Variants in ADCY2 observed in about 807,000 individuals in gnomAD.
The protein encoded by ADCY2 is adenylate cyclase 2, also known as adenylate cyclase type 2.
In ADCY2, 31 loss-of-function variants were observed where a neutral mutation model predicts 125.2. That is an observed-to-expected ratio of 0.25 (90% CI 0.19 to 0.33). ADCY2 has a LOEUF of 0.33. Ranked by LOEUF, ADCY2 falls within the 10% of genes least tolerant of loss-of-function variation. ADCY2 has a pLI of 1.00. For synonymous variants in ADCY2, 512 were observed against 548.4 expected (o/e 0.93, Z 0.93); for missense variants, 904 against 1,418.2 (o/e 0.64, Z 5.82).
intron 3 of ADCY2, among the ~76,000 whole-genome samples, chr5:7,542,410 C>T (rs1735024789): frequency 6.6e-6 from 1 of 151,926 alleles, no homozygotes. Flanking sequence ...TGCCAGTGTC[C>T]CTGATTCAAT....
chr5:7,535,302 C>T (rs971052439), intron 3 of ADCY2, among the ~76,000 whole-genome samples: 9 of 152,120 alleles, frequency 5.9e-5, no homozygotes, highest in African/African-American at 1.2e-4. Context: ...CTTGGCCTCC[C>T]GAAGTGACCA....
chr5:7,514,163 C>T (rs1460626084), intron 2 of ADCY2, among the ~76,000 whole-genome samples: 3 of 152,104 alleles, frequency 2.0e-5, no homozygotes, highest in Admixed American at 2.0e-4. Context: ...ATATTTTGGC[C>T]TGTCATTGCA....
chr5:7,519,109 C>T (rs1316444783), intron 2 of ADCY2, among the ~76,000 whole-genome samples: 1 of 152,234 alleles, frequency 6.6e-6, no homozygotes, highest in Admixed American at 6.5e-5. Context: ...TGAATCTTTC[C>T]TGTGCTCTTT....
At position 7,784,422 on chromosome 5, in the gene ADCY2, C is replaced by T. The variant is rs779656312; in HGVS notation, c.2442C>T (p.Phe814=). The change falls in exon 19 of 25, where the codon TTC becomes TTT. Residue 814 remains phenylalanine (F), a synonymous_variant. Transcript: ENST00000338316. Reference sequence around the variant, plus strand: ...GCTCTGTGTCTCTCTCTATATTCTTCATCACACTGCTTGTTCTGGGTAGAC... The same window carrying T: ...GCTCTGTGTCTCTCTCTATATTCTTTATCACACTGCTTGTTCTGGGTAGAC... ...TMGSVSLSIF[F]ITLLVLGRQN... 15 of 1,613,738 alleles carry T rather than the reference C, an allele frequency of 9.3e-6. No homozygotes were observed.
At chr5:7,463,559 T>G (rs1325190143) in intron 2 of ADCY2, among the ~76,000 whole-genome samples, 3 of 150,578 alleles carry the variant, frequency 2.0e-5, no homozygotes. Flanking sequence ...CTTGAAGCTG[T>G]ACTGTTGTTT....
At chr5:7,504,314 A>G (rs1743716282) in intron 2 of ADCY2, among the ~76,000 whole-genome samples, 1 of 152,214 alleles carries the variant, frequency 6.6e-6, no homozygotes, top group African/African-American at 2.4e-5. Context: ...CCAAATATCA[A>G]ATGTTACAGA....
chr5:7,586,639 C>T (rs1736636860), intron 3 of ADCY2, among the ~76,000 whole-genome samples: 1 of 152,162 alleles, frequency 6.6e-6, no homozygotes, highest in Admixed American at 6.6e-5. Flanking sequence ...CGGGGGATGT[C>T]TTCAGGCAGC....
At chr5:7,498,565 A>G (rs1477572252) in intron 2 of ADCY2, among the ~76,000 whole-genome samples, 2 of 152,158 alleles carry the variant, frequency 1.3e-5, no homozygotes, top group African/African-American at 2.4e-5. Flanking sequence ...ACTCTTATAC[A>G]ATGCTTTTGA....
At chr5:7,520,668 C>T in intron 2 of ADCY2, 70 bp from the exon 3 acceptor site, 2 of 1,555,630 alleles carry the variant, frequency 1.3e-6, no homozygotes, top group Non-Finnish European at 1.8e-6. Flanking sequence ...CCTTTAGTGG[C>T]ATGGAAACAG....
intron 3 of ADCY2, among the ~76,000 whole-genome samples, chr5:7,589,518 A>AAGAAAAGAAAG: frequency 1.0e-5 from 1 of 98,462 alleles, no homozygotes; most frequent in East Asian, 2.9e-4. Flanking sequence ...AAGAAAAGAA[A>AAGAAAAGAAAG]AGAAAGAGAA....
chr5:7,613,375 G>A (rs1302226254), intron 3 of ADCY2, among the ~76,000 whole-genome samples: 1 of 152,164 alleles, frequency 6.6e-6, no homozygotes. Context: ...ATGAAAGGAA[G>A]ATATTCTGAC....
At chr5:7,573,072 C>T (rs1030047848) in intron 3 of ADCY2, among the ~76,000 whole-genome samples, 95 of 152,198 alleles carry the variant, frequency 6.2e-4, no homozygotes, top group Middle Eastern at 6.8e-3. Context: ...CAGAAGAAGA[C>T]GGCCATCTAC....
At chr5:7,499,648 G>GATATATATATATATATATAT (rs70940741) in intron 2 of ADCY2, among the ~76,000 whole-genome samples, 48 of 118,354 alleles carry the variant, frequency 4.1e-4, no homozygotes, top group Non-Finnish European at 6.5e-4. Context: ...TATGTGGGTG[G>GATATATATATATATATATAT]ATATATATAT....
In ADCY2 at chr5:7,414,429, C is replaced by A. The variant is rs567116670; in HGVS notation, c.211-144C>A. 11 of 614,830 alleles carry A rather than the reference C, an allele frequency of 1.8e-5. No homozygotes were observed. In the African/African-American group the frequency reaches 2.1e-4, roughly 12 times the overall value. 38.1% of individuals were successfully genotyped at this position (614,830 alleles called of 1,614,324 possible). ...TTATGAAACTTGAATTTTAAATGTT[C>A]AAACTGTTCTACTTTCAAAACAATT... On this transcript the variant is annotated intron_variant, in intron 1 of 24. Coordinates refer to ENST00000338316, the MANE Select transcript of ADCY2 (RefSeq NM_020546.3).
intron 4 of ADCY2, among the ~76,000 whole-genome samples, chr5:7,640,237 G>C (rs937071431): frequency 6.6e-6 from 1 of 152,158 alleles, no homozygotes; most frequent in African/African-American, 2.4e-5. Context: ...AAAATGTTTA[G>C]AGGAATATTT....
chr5:7,667,335 G>A (rs758267261), intron 4 of ADCY2, among the ~76,000 whole-genome samples: 10 of 152,038 alleles, frequency 6.6e-5, no homozygotes, highest in South Asian at 4.2e-4. Flanking sequence ...CAAAGGTCGC[G>A]TGTTCCACTC....
chr5:7,599,593 G>C (rs1263328465), intron 3 of ADCY2, among the ~76,000 whole-genome samples: 2 of 152,172 alleles, frequency 1.3e-5, no homozygotes, highest in African/African-American at 4.8e-5. Context: ...TGGAAGGAAG[G>C]GGGTCTGGGC....
intron 3 of ADCY2, among the ~76,000 whole-genome samples, chr5:7,534,546 A>G (rs1178405414): frequency 6.6e-6 from 1 of 152,230 alleles, no homozygotes; most frequent in African/African-American, 2.4e-5. Flanking sequence ...GCAGAGTTTT[A>G]TCATAATTTA....
At chr5:7,573,702 G>C (rs1283849374) in intron 3 of ADCY2, among the ~76,000 whole-genome samples, 1 of 149,294 alleles carries the variant, frequency 6.7e-6, no homozygotes, top group Non-Finnish European at 1.5e-5. Flanking sequence ...CGGGTAGCAA[G>C]AGTTAGATTG....
Sources: allele counts gnomAD v4.1 joint callset (sites outside exome capture counted in the v4.1 genomes callset), GRCh38; gene constraint gnomAD v4.1.1; transcripts MANE v1.5; gene names NCBI Gene and HGNC (gene_info 2026-07-23, HGNC 2026-07-21).